CDYL: variants seen among roughly 807,000 people sequenced by gnomAD.
The protein encoded by CDYL is chromodomain Y like, also known as chromodomain Y-like protein.
In CDYL, 8 loss-of-function variants were observed where a neutral mutation model predicts 47.3. The ratio of observed to expected loss-of-function variants is 0.17; its 90% CI spans 0.10 to 0.31. The LOEUF is 0.31. Among genes scored for constraint, CDYL ranks in the 10% least tolerant of loss-of-function variants. The pLI, the probability that CDYL is intolerant of heterozygous loss-of-function variation, is 1.00. For missense variants in CDYL, 471 were observed against 701.4 expected (o/e 0.67, Z 3.71); for synonymous variants, 266 against 265.0 (o/e 1.00, Z -0.04).
chr6:4,937,482 T>C (rs1758232264), intron 3 of CDYL, 83 bp from the exon 4 acceptor site: 1 of 1,117,036 alleles, frequency 9.0e-7, no homozygotes. Flanking sequence ...AGCAACAGAG[T>C]GAGACTCTCT....
At chr6:4,716,593 A>ATTTTTTTTTT (rs35154777) in intron 2 of CDYL, among the ~76,000 whole-genome samples, 3 of 120,002 alleles carry the variant, frequency 2.5e-5, no homozygotes, top group African/African-American at 9.7e-5. Flanking sequence ...GGCAGCAATA[A>ATTTTTTTTTT]TTTTTTTTTT....
intron 2 of CDYL, among the ~76,000 whole-genome samples, chr6:4,897,246 TAAAAC>T (rs1174866548): frequency 1.8e-4 from 28 of 152,254 alleles, no homozygotes; most frequent in Admixed American, 1.6e-3. Context: ...TTAGCAAACT[TAAAAC>T]AAATAGGTGT....
chr6:4,839,360 T>G (rs1218615102), intron 1 of CDYL, among the ~76,000 whole-genome samples: 2 of 152,246 alleles, frequency 1.3e-5, no homozygotes, highest in Non-Finnish European at 2.9e-5. Context: ...TTTCTCCCAC[T>G]CTGTGGGTTG....
intron 3 of CDYL, among the ~76,000 whole-genome samples, chr6:4,759,279 T>G (rs903930819): frequency 6.6e-6 from 1 of 152,124 alleles, no homozygotes; most frequent in African/African-American, 2.4e-5. Context: ...AATCACACAG[T>G]TTTCTTCCTA....
chr6:4,712,592 T>C (rs917951800), intron 1 of CDYL, among the ~76,000 whole-genome samples: 2 of 152,212 alleles, frequency 1.3e-5, no homozygotes, highest in Non-Finnish European at 2.9e-5. Flanking sequence ...TGGTGGGTAC[T>C]CTCATGCCCT....
chr6:4,889,677 A>C (rs1761988396), intron 1 of CDYL, among the ~76,000 whole-genome samples: 2 of 152,128 alleles, frequency 1.3e-5, no homozygotes, highest in South Asian at 4.1e-4. Context: ...GTGTCTCGCT[A>C]CTTCCTTGCT....
chr6:4,865,620 C>T (rs184205784), intron 1 of CDYL, among the ~76,000 whole-genome samples: 11 of 151,924 alleles, frequency 7.2e-5, no homozygotes, highest in Middle Eastern at 6.8e-3. Context: ...GTTTGTAATC[C>T]GAATAGGTAA....
intron 2 of CDYL, among the ~76,000 whole-genome samples, chr6:4,905,644 A>G (rs1331149631): frequency 6.6e-6 from 1 of 152,230 alleles, no homozygotes; most frequent in Admixed American, 6.5e-5. Context: ...TCAGAGCCGA[A>G]GGGCCATGTT....
intron 3 of CDYL, among the ~76,000 whole-genome samples, chr6:4,766,400 A>C (rs969731100): frequency 1.3e-5 from 2 of 151,762 alleles, no homozygotes; most frequent in Non-Finnish European, 2.9e-5. Flanking sequence ...TAGTAGAGAC[A>C]GGGTTTCACC....
chr6:4,803,990 T>A (rs1759298622), intron 1 of CDYL, among the ~76,000 whole-genome samples: 1 of 151,864 alleles, frequency 6.6e-6, no homozygotes, highest in Admixed American at 6.6e-5. Flanking sequence ...TTTTTTTTTT[T>A]TTTGCTCTCC....
chr6:4,926,669 C>T (rs541325823), intron 2 of CDYL, among the ~76,000 whole-genome samples: 14 of 152,212 alleles, frequency 9.2e-5, no homozygotes, highest in Admixed American at 3.9e-4. Context: ...TGTAAAAATT[C>T]ACAAAATAGC....
chr6:4,892,433 C>A, intron 2 of CDYL, 54 bp downstream of exon 2: 3 of 1,517,980 alleles, frequency 2.0e-6, no homozygotes, highest in Admixed American at 2.1e-5. Flanking sequence ...GGGCTCGGGT[C>A]CTTCTCTAGA....
intron 1 of CDYL, among the ~76,000 whole-genome samples, chr6:4,823,329 T>G (rs930222521): frequency 6.6e-6 from 1 of 152,178 alleles, no homozygotes; most frequent in Non-Finnish European, 1.5e-5. Flanking sequence ...ACATACCTAC[T>G]AAAATATTGC....
chr6:4,788,642 C>A (rs751606728), intron 1 of CDYL, among the ~76,000 whole-genome samples: 2 of 151,990 alleles, frequency 1.3e-5, no homozygotes, highest in Non-Finnish European at 2.9e-5. Flanking sequence ...CACCACCCCT[C>A]CCCCACCATA....
intron 1 of CDYL, among the ~76,000 whole-genome samples, chr6:4,803,894 CT>C (rs1227471151): frequency 6.6e-6 from 1 of 150,822 alleles, no homozygotes; most frequent in Non-Finnish European, 1.5e-5. Flanking sequence ...TTGGGGGTAC[CT>C]TTGTCCTTAT....
intron 1 of CDYL, among the ~76,000 whole-genome samples, chr6:4,828,568 A>G (rs1031394197): frequency 3.9e-5 from 6 of 152,056 alleles, no homozygotes; most frequent in African/African-American, 1.4e-4. Flanking sequence ...TTTTGCTTCC[A>G]ATAGTTTGAT....
chr6:4,881,384 C>T (rs983304023), intron 1 of CDYL, among the ~76,000 whole-genome samples: 28 of 151,950 alleles, frequency 1.8e-4, no homozygotes, highest in African/African-American at 5.1e-4. Context: ...TAGAGTAGTG[C>T]TTCTGAGTAA....
At chr6:4,900,953 G>A (rs1001028430) in intron 2 of CDYL, among the ~76,000 whole-genome samples, 5 of 150,254 alleles carry the variant, frequency 3.3e-5, no homozygotes, top group African/African-American at 9.8e-5. Context: ...GTGCATGCTT[G>A]TAAAGAGAGT....
intron 2 of CDYL, among the ~76,000 whole-genome samples, chr6:4,725,415 A>C (rs1372164788): frequency 6.6e-6 from 1 of 152,184 alleles, no homozygotes; most frequent in Non-Finnish European, 1.5e-5. Flanking sequence ...GCGGCGTAGG[A>C]GCCCACAGCG....
Sources: allele counts gnomAD v4.1 joint callset (sites outside exome capture counted in the v4.1 genomes callset), GRCh38; gene constraint gnomAD v4.1.1; transcripts MANE v1.5; gene names NCBI Gene and HGNC (gene_info 2026-07-23, HGNC 2026-07-21).